Variants in DISP1 observed in about 807,000 individuals in gnomAD.
DISP1 encodes the protein dispatched RND transporter family member 1.
A neutral mutation model predicts 37.3 loss-of-function variants in DISP1; 30 were observed. That is an observed-to-expected ratio of 0.80 (90% confidence interval 0.60 to 1.09). The LOEUF (loss-of-function observed/expected upper bound fraction) is 1.09, where lower values mean the gene tolerates loss of function less well. DISP1 is among the 50% of genes least tolerant of loss of function. DISP1 has a pLI of 0.00. For synonymous variants in DISP1, 634 were observed against 690.2 expected, an observed-to-expected ratio of 0.92 and a Z score of 1.28; for missense variants, 1,598 against 1,879.5, an observed-to-expected ratio of 0.85 and a Z score of 2.77.
chr1:222,917,690 G>A (rs1050910839), intron 1 of DISP1, among the ~76,000 whole-genome samples: 36 of 152,190 alleles, frequency 2.4e-4, no homozygotes, highest in African/African-American at 8.7e-4. Context: ...AAATTGCCTT[G>A]TACGGTCTTC....
At chr1:222,876,069 A>G (rs959563456) in intron 1 of DISP1, among the ~76,000 whole-genome samples, 1 of 152,082 alleles carries the variant, frequency 6.6e-6, no homozygotes, top group East Asian at 1.9e-4. Flanking sequence ...AAATGAGGGT[A>G]ATAACAGTAT....
At chr1:223,001,158 A>G (rs188308444) in intron 8 of DISP1, among the ~76,000 whole-genome samples, 1 of 152,188 alleles carries the variant, frequency 6.6e-6, no homozygotes, top group African/African-American at 2.4e-5. Flanking sequence ...TTTTATAACA[A>G]TAGCCATAAG....
intron 1 of DISP1, among the ~76,000 whole-genome samples, chr1:222,907,780 T>A (rs910756521): frequency 6.6e-6 from 1 of 151,962 alleles, no homozygotes; most frequent in Non-Finnish European, 1.5e-5. Context: ...TGAAACCCCG[T>A]CTCTACTAAA....
At chr1:222,827,941 C>G (rs188798367) in intron 1 of DISP1, among the ~76,000 whole-genome samples, 50 of 152,220 alleles carry the variant, frequency 3.3e-4, no homozygotes, top group Non-Finnish European at 5.6e-4. Flanking sequence ...ATAGTCTGAT[C>G]CAGCAGCCTA....
intron 2 of DISP1, among the ~76,000 whole-genome samples, 158 bp downstream of exon 2, chr1:222,928,728 G>A (rs1371932766): frequency 6.6e-6 from 1 of 151,754 alleles, no homozygotes; most frequent in African/African-American, 2.4e-5. Flanking sequence ...AACTTTGAAC[G>A]GCATTTGGCA....
At chr1:222,959,977 A>G (rs561137244) in intron 3 of DISP1, among the ~76,000 whole-genome samples, 2 of 152,176 alleles carry the variant, frequency 1.3e-5, no homozygotes, top group Non-Finnish European at 2.9e-5. Context: ...CAGATTCATA[A>G]AACAAGTTCT....
chr1:222,889,329 T>G (rs1004062872), intron 1 of DISP1, among the ~76,000 whole-genome samples: 2 of 152,098 alleles, frequency 1.3e-5, no homozygotes, highest in Admixed American at 6.6e-5. Flanking sequence ...TTGTATACCT[T>G]GTCTGCTGAA....
At chr1:222,983,054 T>C in intron 3 of DISP1, 26 bp from the exon 4 acceptor site, 1 of 1,579,230 alleles carries the variant, frequency 6.3e-7, no homozygotes, top group Non-Finnish European at 8.6e-7. Context: ...TTTTGATCAT[T>C]TTTCCTTTGC....
At chr1:222,831,188 A>G (rs542497987) in intron 1 of DISP1, 17 of 152,332 alleles carry the variant, frequency 1.1e-4, no homozygotes, top group African/African-American at 3.1e-4. Flanking sequence ...TGGTTCTTTT[A>G]AAAACTGGGT....
chr1:222,941,811 G>C (rs1674403668), intron 2 of DISP1, among the ~76,000 whole-genome samples: 1 of 152,170 alleles, frequency 6.6e-6, no homozygotes, highest in South Asian at 2.1e-4. Context: ...TCTACTTAGA[G>C]AATGGCATGC....
At position 222,984,435 on chromosome 1, in the gene DISP1, T is replaced by TATATATAGAGAG. The variant is rs67660273; in HGVS notation, c.539+1327_539+1328insTATATAGAGAGA. On this transcript the variant is annotated intron_variant, in intron 4 of 8. Coordinates refer to ENST00000675850, the MANE Select transcript of DISP1 (RefSeq NM_001377229.1). ...AAAAAAAAAAAAATATATATATATA[T>TATATATAGAGAG]AGAGAGAGAGAGAGAGAGAGAGAGC... is the stretch of plus-strand genomic sequence containing the variant. Among the ~76,000 whole-genome samples, 779 of 108,354 alleles carry TATATATAGAGAG rather than the reference T, an allele frequency of 7.2e-3. 16 individuals carry two copies. The highest frequency in any genetic ancestry group is 9.8e-3 in the Non-Finnish European group (552 of 56,174). 71.1% of individuals were successfully genotyped at this position (108,354 alleles called of 152,430 possible). A position where few individuals can be genotyped will look rare whatever the true frequency, so the allele number is the denominator to read the frequency against.
At chr1:222,856,782 G>A (rs1002212747) in intron 1 of DISP1, among the ~76,000 whole-genome samples, 1 of 143,920 alleles carries the variant, frequency 6.9e-6, no homozygotes, top group African/African-American at 2.6e-5. Flanking sequence ...TTGGCTCACT[G>A]CAACCTCTGC....
At chr1:222,842,203 C>G (rs1195117051) in intron 1 of DISP1, among the ~76,000 whole-genome samples, 2 of 151,546 alleles carry the variant, frequency 1.3e-5, no homozygotes, top group Non-Finnish European at 2.9e-5. Flanking sequence ...TTTTTTAAAG[C>G]CTTTTGTGAT....
At chr1:222,829,508 G>T (rs1040276034) in intron 1 of DISP1, among the ~76,000 whole-genome samples, 1 of 151,410 alleles carries the variant, frequency 6.6e-6, no homozygotes, top group Admixed American at 6.6e-5. Flanking sequence ...GCAGTGGCAC[G>T]ATCTCGGCTC....
At position 223,003,683 on chromosome 1, in the gene DISP1, G is replaced by A. The variant is rs370345745; in HGVS notation, c.2286G>A (p.Glu762=). The A allele has an allele frequency of 1.9e-6, 3 of 1,614,110 alleles. No individual in the cohort carries two copies. Among genetic ancestry groups the A allele is most frequent in the Non-Finnish European group, 1.7e-6 (2 of 1,180,034 alleles). Residue 762 remains glutamate (E), a synonymous_variant, in exon 9 of 9, where the codon GAG becomes GAA. Coordinates refer to ENST00000675850, the MANE Select transcript of DISP1 (RefSeq NM_001377229.1). The surrounding 1 kb of genome is among the most constrained non-coding windows in gnomAD (Gnocchi z 4.3). Reference sequence around the variant, plus strand: ...TGTTCCGGTCGTCCCATCCTTTTGAGCGTTATGATGCTGAATACAAAAAGC... The same window carrying A: ...TGTTCCGGTCGTCCCATCCTTTTGAACGTTATGATGCTGAATACAAAAAGC... ...FQVFRSSHPF[E]RYDAEYKKLF...
At position 223,003,905 on chromosome 1, in the gene DISP1, C is replaced by T. The variant is rs1416273209; in HGVS notation, c.2508C>T (p.Asn836=). 1.9e-6 allele frequency: 3 copies of T among 1,614,130 alleles called. No individual in the cohort carries two copies. The highest frequency in any genetic ancestry group is 2.7e-5 in the African/African-American group (2 of 75,016). ...WILHFCQKLR[N]QTFFYQTDEQ... ...TGCACTTCTGTCAAAAACTGAGAAA[C>T]CAAACATTCTTTTACCAGACTGATG... The change falls in exon 9 of 9, where the codon AAC becomes AAT. Residue 836 remains asparagine, a synonymous_variant. Coordinates refer to ENST00000675850, the MANE Select transcript of DISP1 (RefSeq NM_001377229.1). The surrounding 1 kb of genome is among the most constrained non-coding windows in gnomAD (Gnocchi z 4.3).
intron 1 of DISP1, among the ~76,000 whole-genome samples, chr1:222,875,690 G>T (rs1226704915): frequency 6.8e-6 from 1 of 147,426 alleles, no homozygotes; most frequent in Non-Finnish European, 1.5e-5. Context: ...AGCCATATGT[G>T]GTGGCGCATG....
intron 8 of DISP1, among the ~76,000 whole-genome samples, chr1:222,996,497 C>T (rs1396594080): frequency 2.6e-5 from 4 of 152,184 alleles, no homozygotes; most frequent in Non-Finnish European, 5.9e-5. Flanking sequence ...CCTTCTTGTC[C>T]TCATTCTTCT....
At chr1:222,901,561 T>C (rs575049448) in intron 1 of DISP1, among the ~76,000 whole-genome samples, 79 of 152,272 alleles carry the variant, frequency 5.2e-4, no homozygotes, top group African/African-American at 1.8e-3. Context: ...TCTCACTCAC[T>C]CTGTCACCTG....
Sources: gnomAD v4.1 joint callset for allele counts (sites outside exome capture counted in the v4.1 genomes callset) on GRCh38, gnomAD v4.1.1 for gene constraint, Gnocchi (gnomAD v3.1) non-coding constraint, MANE v1.5 for transcripts, NCBI Gene and HGNC (gene_info 2026-07-23, HGNC 2026-07-21) for gene names.